The following TCP11L1 variants were observed in gnomAD, a reference collection of about 807,000 sequenced individuals.
The protein encoded by TCP11L1 is t-complex 11 like 1, also known as T-complex protein 11-like protein 1.
A neutral mutation model predicts 48.9 loss-of-function variants in TCP11L1; 28 were observed. That is an observed-to-expected ratio of 0.57 (90% confidence interval 0.42 to 0.78). The LOEUF (loss-of-function observed/expected upper bound fraction) is 0.78. Among genes scored for constraint, TCP11L1 ranks in the 30% least tolerant of loss-of-function variants. The pLI, the probability that TCP11L1 is intolerant of heterozygous loss-of-function variation, is 0.00. For synonymous variants in TCP11L1, 204 were observed against 231.9 expected (o/e 0.88, Z 1.09); for missense variants, 505 against 613.4 (o/e 0.82, Z 1.87).
intron 1 of TCP11L1, among the ~76,000 whole-genome samples, chr11:33,041,896 C>T (rs1228251499): frequency 6.6e-6 from 1 of 152,212 alleles, no homozygotes; most frequent in African/African-American, 2.4e-5. Context: ...GTCTGCCAAA[C>T]TCCCTAAATC....
chr11:33,059,864 G>A (rs1288004593), intron 6 of TCP11L1, among the ~76,000 whole-genome samples: 2 of 152,200 alleles, frequency 1.3e-5, no homozygotes, highest in Non-Finnish European at 2.9e-5. Context: ...AAAGGACAGG[G>A]TAGAGGTAGA....
At chr11:33,046,732 A>G (rs1854006805) in intron 2 of TCP11L1, among the ~76,000 whole-genome samples, 1 of 152,232 alleles carries the variant, frequency 6.6e-6, no homozygotes. Flanking sequence ...GCATTATTGA[A>G]CACATAGAGC....
chr11:33,071,297 G>T (rs1854782456), intron 9 of TCP11L1, among the ~76,000 whole-genome samples: 1 of 152,176 alleles, frequency 6.6e-6, no homozygotes, highest in African/African-American at 2.4e-5. Flanking sequence ...CTGGGCGACA[G>T]AGTGAAACTG....
intron 9 of TCP11L1, 120 bp downstream of exon 9, chr11:33,068,979 TA>T: frequency 7.8e-7 from 1 of 1,287,938 alleles, no homozygotes; most frequent in South Asian, 1.5e-5. Context: ...GGAGATGGTG[TA>T]ATGAAGCACC....
intron 3 of TCP11L1, among the ~76,000 whole-genome samples, chr11:33,054,931 T>G (rs1291081357): frequency 2.0e-5 from 3 of 152,266 alleles, no homozygotes; most frequent in African/African-American, 7.2e-5. Context: ...CTCAGTAGGA[T>G]CTAGCTGCCT....
intron 1 of TCP11L1, chr11:33,041,003 C>T (rs1208269932): frequency 6.6e-6 from 1 of 152,212 alleles, no homozygotes; most frequent in Non-Finnish European, 1.5e-5. Context: ...TTGCATCTTT[C>T]TATTTAAATA....
rs747040679 is a variant in TCP11L1 at position 33,072,600 on chromosome 11, G to A, written c.1454G>A (p.Arg485His). The A allele has an allele frequency of 1.1e-5, 18 of 1,614,082 alleles. No homozygotes were observed. Among genetic ancestry groups the A allele is most frequent in the Non-Finnish European group, 1.5e-5 (18 of 1,180,026 alleles). Reference sequence around the variant, plus strand: ...GAGGAAGTTGCTATTAAATTTGCTCGCCTGGTCAACTATAACAAGATGGTC... The same window carrying A: ...GAGGAAGTTGCTATTAAATTTGCTCACCTGGTCAACTATAACAAGATGGTC... ...ELEEVAIKFA[R>H]LVNYNKMVFC... Residue 485 changes from arginine to histidine, a missense_variant, in exon 10 of 10, where the codon CGC becomes CAC. Coordinates refer to ENST00000334274, the MANE Select transcript of TCP11L1 (RefSeq NM_018393.4).
At chr11:33,070,182 G>A (rs1279768438) in intron 9 of TCP11L1, among the ~76,000 whole-genome samples, 1 of 152,126 alleles carries the variant, frequency 6.6e-6, no homozygotes, top group Non-Finnish European at 1.5e-5. Flanking sequence ...TCGGGAGGCT[G>A]AGGCAGGAGG....
intron 3 of TCP11L1, chr11:33,056,769 T>C (rs576190571): frequency 4.1e-6 from 1 of 242,238 alleles, no homozygotes; most frequent in African/African-American, 2.3e-5. Context: ...GACTACCTAA[T>C]TATAAACATC....
At chr11:33,067,409 G>A (rs924677812) in intron 8 of TCP11L1, among the ~76,000 whole-genome samples, 20 of 152,208 alleles carry the variant, frequency 1.3e-4, no homozygotes, top group Non-Finnish European at 1.5e-5. Flanking sequence ...GCTGTGTTCA[G>A]TGCAGTGTGG....
chr11:33,068,705 C>T lies in TCP11L1; in HGVS notation c.1173C>T (p.Asp391=), dbSNP rs575367013. The change falls in exon 9 of 10, where the codon GAC becomes GAT. Residue 391 remains aspartate (D), a synonymous_variant. Transcript: ENST00000334274. ...GCCCCAGCTCCTTCCATCTGAAGGACGTCCTCACTACCATCGGGGAGAAGG... is the reference window on the plus strand; with the variant it reads ...GCCCCAGCTCCTTCCATCTGAAGGATGTCCTCACTACCATCGGGGAGAAGG... The part of the protein sequence containing the change: ...DMHLPSFHLK[D]VLTTIGEKVC... 17 of 1,613,920 alleles carry T rather than the reference C, an allele frequency of 1.1e-5. No individual in the cohort carries two copies. The highest frequency in any genetic ancestry group is 2.2e-5 in the East Asian group (1 of 44,886).
chr11:33,044,680 T>G (rs1006011209), intron 2 of TCP11L1, among the ~76,000 whole-genome samples: 1 of 152,234 alleles, frequency 6.6e-6, no homozygotes, highest in African/African-American at 2.4e-5. Context: ...TCTAAAATGA[T>G]CAAAGCCCTT....
rs1481106270 is a variant in TCP11L1 at position 33,039,714 on chromosome 11, T to G, written c.-103T>G. ...ACCGCCCCTGCCTGCCGCGCATCCCTCCGGCTTCCGCCGCGGCGCCAGCCC... is the reference window on the plus strand; with the variant it reads ...ACCGCCCCTGCCTGCCGCGCATCCCGCCGGCTTCCGCCGCGGCGCCAGCCC... On this transcript the variant is annotated 5_prime_UTR_variant, in exon 1 of 10. Transcript: ENST00000334274. 2.0e-5 allele frequency: 3 copies of G among 152,312 alleles called. No individual in the cohort carries two copies. The East Asian group carries it at 5.8e-4, about 29-fold the overall frequency. 9.4% of individuals were successfully genotyped at this position (152,312 alleles called of 1,614,324 possible).
intron 7 of TCP11L1, among the ~76,000 whole-genome samples, chr11:33,065,359 G>T (rs1854584010): frequency 6.6e-6 from 1 of 152,090 alleles, no homozygotes; most frequent in Admixed American, 6.5e-5. Context: ...TGCTTCCTGG[G>T]TTCAAGAGAT....
At chr11:33,045,499 G>C (rs756777417) in intron 2 of TCP11L1, among the ~76,000 whole-genome samples, 15 of 151,672 alleles carry the variant, frequency 9.9e-5, no homozygotes, top group Admixed American at 2.0e-4. Context: ...CTGGATGACA[G>C]AGTGAGACAA....
At chr11:33,071,589 A>G (rs1043031894) in intron 9 of TCP11L1, among the ~76,000 whole-genome samples, 6 of 152,328 alleles carry the variant, frequency 3.9e-5, no homozygotes, top group Admixed American at 6.5e-5. Context: ...GCATCAACCT[A>G]AATTATTCCT....
chr11:33,068,187 T>G (rs1206626640), intron 8 of TCP11L1, among the ~76,000 whole-genome samples: 2 of 152,210 alleles, frequency 1.3e-5, no homozygotes, highest in Non-Finnish European at 1.5e-5. Flanking sequence ...CCTCCCAAAG[T>G]TCTGGGATTA....
At chr11:33,069,238 T>C (rs997414711) in intron 9 of TCP11L1, among the ~76,000 whole-genome samples, 2 of 152,188 alleles carry the variant, frequency 1.3e-5, no homozygotes, top group African/African-American at 4.8e-5. Context: ...TGGCAGCACA[T>C]AGTAAGTGCT....
chr11:33,050,925 C>T (rs529933610), intron 2 of TCP11L1, among the ~76,000 whole-genome samples: 6 of 151,918 alleles, frequency 3.9e-5, no homozygotes, highest in Non-Finnish European at 5.9e-5. Context: ...GCCATCTTCC[C>T]GTCTCAGCCT....
Sources: allele counts gnomAD v4.1 joint callset (sites outside exome capture counted in the v4.1 genomes callset), GRCh38; gene constraint gnomAD v4.1.1; transcripts MANE v1.5; gene names NCBI Gene and HGNC (gene_info 2026-07-23, HGNC 2026-07-21).